The following SMARCA4 variants were observed in gnomAD, a reference collection of about 807,000 sequenced individuals.
SMARCA4 encodes the protein SWI/SNF related BAF chromatin remodeling complex subunit ATPase 4.
In SMARCA4, 31 loss-of-function variants were observed where a neutral mutation model predicts 193.9. The ratio of observed to expected loss-of-function variants is 0.16; its 90% CI spans 0.12 to 0.22. SMARCA4 has a LOEUF of 0.22. SMARCA4 is among the 10% of genes least tolerant of loss of function. The pLI is 1.00. For missense variants in SMARCA4, 1,148 were observed against 2,296.0 expected, an observed-to-expected ratio of 0.50 and a Z score of 10.22; for synonymous variants, 942 against 933.1, an observed-to-expected ratio of 1.01 and a Z score of -0.17.
chr19:11,029,919 A>G (rs1006178028), intron 24 of SMARCA4, among the ~76,000 whole-genome samples: 1 of 152,042 alleles, frequency 6.6e-6, no homozygotes, highest in Middle Eastern at 3.4e-3. Context: ...CAGGCGATCC[A>G]CCCACCTCAG....
In SMARCA4 at chr19:10,986,690, C is replaced by T. The variant is rs1361218434; in HGVS notation, c.760+97C>T. The T allele has an allele frequency of 7.9e-6, 12 of 1,518,026 alleles. No individual in the cohort carries two copies. In the African/African-American group the frequency reaches 1.7e-4, roughly 21 times the overall value. The allele number at this position is 1,518,026 out of a possible 1,614,324, so 94.0% of individuals were successfully genotyped here. On this transcript the variant is annotated intron_variant, in intron 4 of 34. Coordinates refer to ENST00000344626, the MANE Select transcript of SMARCA4 (RefSeq NM_003072.5). This position sits in a 1 kb window ranked among gnomAD's most constrained non-coding sequence, Gnocchi z 6.7. ...ACCGTGCTCTGTTGCCGACTGGGTT[C>T]CCCGGTTTGGGATTGCACGGGCCCA...
At chr19:10,962,776 A>C (rs952325597) in intron 1 of SMARCA4, among the ~76,000 whole-genome samples, 9 of 151,888 alleles carry the variant, frequency 5.9e-5, no homozygotes, top group Non-Finnish European at 1.3e-4. Context: ...CTCCTGACTT[A>C]AGGTGATCCA....
chr19:11,003,267 G>T (rs2146104626), intron 12 of SMARCA4, 73 bp from the exon 13 acceptor site: 15 of 1,603,340 alleles, frequency 9.4e-6, no homozygotes, highest in East Asian at 2.2e-5. Flanking sequence ...TGAATTCCCG[G>T]CAGGTTTGGT....
At chr19:11,005,676 C>T (rs547584667) in intron 13 of SMARCA4, among the ~76,000 whole-genome samples, 1 of 152,336 alleles carries the variant, frequency 6.6e-6, no homozygotes, top group African/African-American at 2.4e-5. Flanking sequence ...GACTGAGCCC[C>T]TTCCACCTCC....
chr19:11,023,995 C>T (rs1402807219), intron 20 of SMARCA4, among the ~76,000 whole-genome samples: 2 of 152,192 alleles, frequency 1.3e-5, no homozygotes, highest in East Asian at 3.9e-4. Flanking sequence ...CACCCCTGGG[C>T]CCAGTTCCCA....
intron 16 of SMARCA4, among the ~76,000 whole-genome samples, chr19:11,015,567 C>T (rs1276603358): frequency 1.3e-5 from 2 of 152,186 alleles, no homozygotes; most frequent in African/African-American, 2.4e-5. Context: ...CTAGGAGTTA[C>T]ACTTTCCGTT....
In SMARCA4 at chr19:11,047,091, C is replaced by T. The variant is rs1021424328; in HGVS notation, c.4424+5531C>T. 2.0e-5 allele frequency among the ~76,000 whole-genome samples: 3 copies of T among 152,028 alleles called. No individual in the cohort carries two copies. In the East Asian group the frequency reaches 5.8e-4, roughly 29 times the overall value. On this transcript the variant is annotated intron_variant, in intron 30 of 34. Transcript: ENST00000344626. ...ATTTGAAGCTGTGAGGGAAGACAAA[C>T]TCAGGGTCCACAGGGTGGGAAAAGT... is the stretch of plus-strand genomic sequence containing the variant.
At position 11,035,148 on chromosome 19, in the gene SMARCA4, G is replaced by A. The variant is rs191812860; in HGVS notation, c.4170+16G>A. On this transcript the variant is annotated intron_variant, in intron 29 of 34. Transcript: ENST00000344626. Reference sequence around the variant, plus strand: ...GTGGCTCAAGGTACATGCTGGAGAGGCCCAGCAGCTGCCGCAGGCCAGCGC... The same window carrying A: ...GTGGCTCAAGGTACATGCTGGAGAGACCCAGCAGCTGCCGCAGGCCAGCGC... 339 of 1,604,108 alleles carry A rather than the reference G, an allele frequency of 2.1e-4. No homozygotes were observed. The East Asian group carries it at 7.3e-3, about 34-fold the overall frequency.
chr19:11,010,268 G>T, intron 14 of SMARCA4, 113 bp from the exon 15 acceptor site: 1 of 1,200,732 alleles, frequency 8.3e-7, no homozygotes, highest in Admixed American at 1.7e-5. Flanking sequence ...TTACAGTGCT[G>T]GCCACAGGTC....
intron 30 of SMARCA4, among the ~76,000 whole-genome samples, chr19:11,052,690 C>A (rs1020354398): frequency 1.3e-5 from 2 of 152,204 alleles, no homozygotes; most frequent in Non-Finnish European, 2.9e-5. Flanking sequence ...AACAGGGACA[C>A]CAGTAGTGAT....
rs1314033941 is a variant in SMARCA4, at chr19:11,026,843, C to G, written c.3215+497C>G. Among the ~76,000 whole-genome samples the G allele has an allele frequency of 3.3e-5, 5 of 152,186 alleles. No individual in the cohort carries two copies. The East Asian group carries it at 9.6e-4, about 29-fold the overall frequency. ...TGCTTGGAGAGCTGACCACTATTAA[C>G]CCCAAGAGACAGGATTCCTGAGGCA... On this transcript the variant is annotated intron_variant, in intron 23 of 34. Transcript: ENST00000344626.
At chr19:11,006,579 C>T (rs1471123797) in intron 13 of SMARCA4, among the ~76,000 whole-genome samples, 1 of 150,714 alleles carries the variant, frequency 6.6e-6, no homozygotes, top group Non-Finnish European at 1.5e-5. Context: ...GATGAAACCC[C>T]GTCTCTACTA....
Position 10,986,549 on chromosome 19 carries a change from G to C in SMARCA4, c.716G>C (p.Gly239Ala). 5.8e-6 allele frequency: 9 copies of C among 1,539,552 alleles called. No homozygotes were observed. The highest frequency in any genetic ancestry group is 7.8e-6 in the Non-Finnish European group (9 of 1,146,616). Residue 239 changes from glycine (G) to alanine (A), a missense_variant, in exon 4 of 35, where the codon GGC (glycine) becomes GCC (alanine). Gly to Ala is a moderately conservative substitution (Grantham distance 60). Around this residue, in one of 17 missense-constraint regions of SMARCA4, gnomAD observed 257 missense variants for 276.5 expected, o/e 0.93. Coordinates refer to ENST00000344626, the MANE Select transcript of SMARCA4 (RefSeq NM_003072.5). This position sits in a 1 kb window ranked among gnomAD's most constrained non-coding sequence, Gnocchi z 6.7. Reference protein sequence around the residue: ...GPGPGPGPGPGPGPGPAPPNY... With the variant: ...GPGPGPGPGPAPGPGPAPPNY... ...GGCCCTGGCCCTGGCCCTGGCCCCG[G>C]CCCGGGTCCCGGCCCGGCACCTCCA...
intron 1 of SMARCA4, among the ~76,000 whole-genome samples, chr19:10,982,502 CTT>C (rs111316449): frequency 1.6e-4 from 23 of 143,754 alleles, no homozygotes; most frequent in Middle Eastern, 3.6e-3. Context: ...AAAAATAGAA[CTT>C]TTTTTTTTTT....
intron 30 of SMARCA4, among the ~76,000 whole-genome samples, chr19:11,048,753 C>T (rs2076091502): frequency 1.3e-5 from 2 of 152,204 alleles, no homozygotes; most frequent in African/African-American, 2.4e-5. Context: ...TGCTTTTGAT[C>T]GTTGGAGATA....
chr19:11,003,265 C>T (rs1252783023), intron 12 of SMARCA4, 75 bp from the exon 13 acceptor site: 27 of 1,603,476 alleles, frequency 1.7e-5, no homozygotes, highest in South Asian at 7.7e-5. Flanking sequence ...TTTGAATTCC[C>T]GGCAGGTTTG....
At position 11,061,204 on chromosome 19, in the gene SMARCA4, AATATATATATAT is replaced by A. The variant is rs55894159; in HGVS notation, c.4912-553_4912-542del. Among the ~76,000 whole-genome samples the A allele has an allele frequency of 4.6e-4, 21 of 45,220 alleles. 2 individuals are homozygous for A. Among genetic ancestry groups the A allele is most frequent in the African/African-American group, 2.1e-3 (19 of 8,862 alleles). 29.7% of individuals were successfully genotyped at this position (45,220 alleles called of 152,430 possible). On this transcript the variant is annotated intron_variant, in intron 34 of 34. Transcript: ENST00000344626. Reference sequence around the variant, plus strand: ...CCCTGTCTTTAAAAAAAAAAAAAAAAATATATATATATATATATATATATATATATATATATA... The same window carrying A: ...CCCTGTCTTTAAAAAAAAAAAAAAAAATATATATATATATATATATATATA...
At chr19:10,988,020 T>A (rs2086219749) in intron 6 of SMARCA4, 96 bp downstream of exon 6, 1 of 1,284,098 alleles carries the variant, frequency 7.8e-7, no homozygotes, top group Non-Finnish European at 1.1e-6. Flanking sequence ...TAGCAAACAG[T>A]GCCCTGTGCC....
intron 11 of SMARCA4, among the ~76,000 whole-genome samples, chr19:11,001,444 G>A (rs1262754309): frequency 3.9e-5 from 6 of 152,104 alleles, no homozygotes; most frequent in Admixed American, 2.0e-4. Context: ...TACTGAGCCC[G>A]TCTCCAAAAA....
Sources: gnomAD v4.1 joint callset for allele counts (sites outside exome capture counted in the v4.1 genomes callset) on GRCh38, gnomAD v4.1.1 for gene constraint, gnomAD v4.1.1 regional missense constraint, Gnocchi (gnomAD v3.1) non-coding constraint, MANE v1.5 for transcripts, NCBI Gene and HGNC (gene_info 2026-07-23, HGNC 2026-07-21) for gene names.